The following KALRN variants were observed in gnomAD, a reference collection of about 807,000 sequenced individuals.
KALRN encodes the protein kalirin.
KALRN carries 70 observed loss-of-function variants against 353.7 expected under a neutral mutation model. The observed-to-expected ratio is 0.20, with a 90% confidence interval of 0.16 to 0.24. KALRN has a LOEUF of 0.24. KALRN is among the 10% of genes least tolerant of loss of function. The probability of loss-of-function intolerance (pLI) is 1.00; values close to 1 mark genes in which losing one functional copy is unlikely to be tolerated. For missense variants in KALRN, 2,791 were observed against 3,756.7 expected (o/e 0.74, Z 6.72); for synonymous variants, 1,391 against 1,434.8 (o/e 0.97, Z 0.69).
rs750161008 is a variant in KALRN, at chr3:124,699,891, A to T, written c.7854A>T (p.Ser2618=). Residue 2618 remains serine (S), a synonymous_variant, in exon 56 of 60, where the codon TCA becomes TCT. Transcript: ENST00000682506. ...TAGGTTCTCAGATCTGGCAGCAGTC[A>T]GTGGCTTCGACCTTGGACACTTACC... ...REEGSQIWQQ[S]VASTLDTYLV... 5 of 1,614,098 alleles carry T rather than the reference A, an allele frequency of 3.1e-6. No individual in the cohort carries two copies. The East Asian group carries it at 6.7e-5, about 22-fold the overall frequency.
chr3:124,090,105 G>GCCCACT (rs1446982930), intron 1 of KALRN, among the ~76,000 whole-genome samples: 1 of 152,116 alleles, frequency 6.6e-6, no homozygotes, highest in Non-Finnish European at 1.5e-5. Flanking sequence ...GCTCTTGTGT[G>GCCCACT]GGCAGTGGGG....
intron 1 of KALRN, among the ~76,000 whole-genome samples, chr3:124,225,216 G>T (rs898832716): frequency 3.9e-5 from 6 of 152,142 alleles, no homozygotes; most frequent in Admixed American, 1.3e-4. Flanking sequence ...GAGCTGCTGG[G>T]CTAATTAGCT....
intron 5 of KALRN, among the ~76,000 whole-genome samples, chr3:124,290,888 G>T (rs971326655): frequency 1.5e-4 from 23 of 152,196 alleles, no homozygotes; most frequent in African/African-American, 5.3e-4. Context: ...GAGATAAATT[G>T]TTATGGAGAG....
Position 124,700,026 on chromosome 3 carries a change from A to T in KALRN, c.7989A>T (p.Pro2663=). ...AGCCCTCGGAGTTTGTGCGACTTCC[A>T]GAATATGGTGAGTCCCAGCCCAGCC... The part of the protein sequence containing the change: ...PSEPSEFVRL[P]EYDAAADGAT... The change falls in exon 56 of 60, where the codon CCA becomes CCT. Residue 2663 remains proline, a synonymous_variant. Coordinates refer to ENST00000682506, the MANE Select transcript of KALRN (RefSeq NM_001388419.1). 6.2e-7 allele frequency: 1 copy of T among 1,614,046 alleles called. No homozygotes were observed. Among genetic ancestry groups the T allele is most frequent in the South Asian group, 1.1e-5 (1 of 91,074 alleles).
At chr3:124,368,405 G>A (rs201660061) in intron 10 of KALRN, among the ~76,000 whole-genome samples, 50,508 of 137,726 alleles carry the variant, frequency 0.37, 9,863 homozygotes, top group East Asian at 0.73. Context: ...GGGCAGAGGC[G>A]CTCCTCACAT....
At chr3:124,278,159 G>A (rs2074966975) in intron 5 of KALRN, among the ~76,000 whole-genome samples, 1 of 151,960 alleles carries the variant, frequency 6.6e-6, no homozygotes, top group South Asian at 2.1e-4. Flanking sequence ...GGAGGATAGT[G>A]TAGGGCAGTG....
intron 25 of KALRN, among the ~76,000 whole-genome samples, chr3:124,467,955 T>C (rs1009767669): frequency 2.0e-5 from 3 of 150,412 alleles, no homozygotes; most frequent in African/African-American, 7.4e-5. Flanking sequence ...GTAGGTAGGG[T>C]AGGTAGTCAG....
At chr3:124,226,096 C>T (rs1366236694) in intron 1 of KALRN, among the ~76,000 whole-genome samples, 3 of 152,136 alleles carry the variant, frequency 2.0e-5, no homozygotes, top group African/African-American at 7.2e-5. Context: ...ACAGAAGCAT[C>T]ATTGTTCACA....
At chr3:124,341,560 A>C (rs1189939147) in intron 9 of KALRN, among the ~76,000 whole-genome samples, 1 of 152,220 alleles carries the variant, frequency 6.6e-6, no homozygotes, top group Non-Finnish European at 1.5e-5. Context: ...GAAGGTGGAG[A>C]TGCACAAAGA....
intron 6 of KALRN, among the ~76,000 whole-genome samples, chr3:124,316,738 A>G (rs991178747): frequency 2.0e-5 from 3 of 152,226 alleles, no homozygotes; most frequent in African/African-American, 7.2e-5. Context: ...TATAGTAAAT[A>G]TTTATTAATT....
chr3:124,457,292 AC>A (rs767546319), intron 23 of KALRN, among the ~76,000 whole-genome samples: 29 of 151,596 alleles, frequency 1.9e-4, no homozygotes, highest in Non-Finnish European at 3.5e-4. Flanking sequence ...CTGGTCTCGG[AC>A]TCCTGACCTC....
chr3:124,348,949 C>T (rs1389109814), intron 10 of KALRN, among the ~76,000 whole-genome samples: 1 of 152,124 alleles, frequency 6.6e-6, no homozygotes, highest in Non-Finnish European at 1.5e-5. Flanking sequence ...GAACTCCTGA[C>T]CTCAAGTGAT....
Position 124,562,990 on chromosome 3 carries a change from C to T in KALRN, c.5083C>T (p.Arg1695Trp), listed in dbSNP as rs371408668. 1.3e-5 allele frequency: 18 copies of T among 1,367,936 alleles called. No individual in the cohort carries two copies. Among genetic ancestry groups the T allele is most frequent in the African/African-American group, 7.4e-5 (5 of 67,880 alleles). The allele number at this position is 1,367,936 out of a possible 1,614,324, so 84.7% of individuals were successfully genotyped here. A position where few individuals can be genotyped will look rare whatever the true frequency, so the allele number is the denominator to read the frequency against. Reference protein sequence around the residue: ...PGWCLVRTTERSPPLEGLVPS... With the variant: ...PGWCLVRTTEWSPPLEGLVPS... ...TTGGTGTCTGGTCCGTACCACCGAA[C>T]GGAGCCCGCCCTTGGAGGGTCTGGT... Residue 1695 changes from arginine (R) to tryptophan (W), a missense_variant, in exon 34 of 60, where the codon CGG (arginine) becomes TGG (tryptophan). Coordinates refer to ENST00000682506, the MANE Select transcript of KALRN (RefSeq NM_001388419.1).
chr3:124,637,284 A>T lies in KALRN; in HGVS notation c.5645A>T (p.Lys1882Met). 1 of 1,614,092 alleles carries T rather than the reference A, an allele frequency of 6.2e-7. No individual in the cohort carries two copies. Among genetic ancestry groups the T allele is most frequent in the Non-Finnish European group, 8.5e-7 (1 of 1,179,984 alleles). Residue 1882 changes from lysine to methionine, a missense_variant, in exon 37 of 60, where the codon AAG (lysine) becomes ATG (methionine). Lys to Met is a moderately conservative substitution (Grantham distance 95). Coordinates refer to ENST00000682506, the MANE Select transcript of KALRN (RefSeq NM_001388419.1). ...TAADLVNAIE[K>M]LVKNKLSLEG... ...GCAGACCTTGTCAATGCAATAGAAA[A>T]GTTGGTCAAAAACAAGCTGGTAAGT...
chr3:124,545,989 T>C (rs2069593846), intron 33 of KALRN, among the ~76,000 whole-genome samples: 1 of 152,196 alleles, frequency 6.6e-6, no homozygotes, highest in African/African-American at 2.4e-5. Flanking sequence ...TCGTCTCCCT[T>C]TTTCTAGTTC....
chr3:124,525,338 T>C (rs1448241690), intron 33 of KALRN, among the ~76,000 whole-genome samples: 2 of 152,224 alleles, frequency 1.3e-5, no homozygotes, highest in Non-Finnish European at 2.9e-5. Context: ...TGTCCAGTGA[T>C]TCTGTTACCT....
chr3:124,707,322 G>A (rs2062672265), intron 57 of KALRN, among the ~76,000 whole-genome samples: 1 of 152,126 alleles, frequency 6.6e-6, no homozygotes, highest in Non-Finnish European at 1.5e-5. Context: ...GCAAGAGCCT[G>A]TCTCAAAAAA....
At chr3:124,254,969 G>A (rs1560373070) in intron 3 of KALRN, among the ~76,000 whole-genome samples, 2 of 151,698 alleles carry the variant, frequency 1.3e-5, no homozygotes, top group Admixed American at 1.3e-4. Flanking sequence ...TTTTGAGACA[G>A]AGTTTTGCTC....
intron 51 of KALRN, among the ~76,000 whole-genome samples, chr3:124,691,254 C>A (rs1019526632): frequency 1.3e-5 from 2 of 152,110 alleles, no homozygotes; most frequent in Non-Finnish European, 2.9e-5. Flanking sequence ...CGTGGCGAGA[C>A]CCCGTCTCTA....
Sources: allele counts gnomAD v4.1 joint callset (sites outside exome capture counted in the v4.1 genomes callset), GRCh38; gene constraint gnomAD v4.1.1; transcripts MANE v1.5; gene names NCBI Gene and HGNC (gene_info 2026-07-23, HGNC 2026-07-21).